Variants in EPN2 observed in about 807,000 individuals in gnomAD.
EPN2 encodes the protein epsin-2.
A neutral mutation model predicts 61.7 loss-of-function variants in EPN2; 34 were observed. The ratio of observed to expected loss-of-function variants is 0.55; its 90% CI spans 0.42 to 0.73. EPN2 has a LOEUF of 0.73. EPN2 is among the 30% of genes least tolerant of loss of function. The pLI is 0.00. For missense variants in EPN2, 714 were observed against 839.2 expected, an observed-to-expected ratio of 0.85 and a Z score of 1.84; for synonymous variants, 349 against 353.6, an observed-to-expected ratio of 0.99 and a Z score of 0.15.
intron 1 of EPN2, among the ~76,000 whole-genome samples, chr17:19,266,626 T>A (rs893701654): frequency 1.3e-5 from 2 of 151,614 alleles, no homozygotes; most frequent in Admixed American, 1.3e-4. Context: ...ATGGTTTCGA[T>A]CTCCTCACCT....
chr17:19,249,960 ACT>A (rs1232317307), intron 1 of EPN2, among the ~76,000 whole-genome samples: 7 of 149,510 alleles, frequency 4.7e-5, no homozygotes, highest in Non-Finnish European at 1.5e-5. Flanking sequence ...GCGGTTTTCC[ACT>A]CTTTCCCACG....
chr17:19,265,360 A>G (rs1597980334), intron 1 of EPN2, among the ~76,000 whole-genome samples: 2 of 145,098 alleles, frequency 1.4e-5, no homozygotes, highest in African/African-American at 5.4e-5. Context: ...CTTGGGTGAC[A>G]GTGAGACCCT....
intron 7 of EPN2, among the ~76,000 whole-genome samples, chr17:19,315,258 C>T (rs1906331549): frequency 6.6e-6 from 1 of 152,188 alleles, no homozygotes; most frequent in Non-Finnish European, 1.5e-5. Flanking sequence ...TGGGCCGAGC[C>T]AAGGACCTGA....
intron 7 of EPN2, among the ~76,000 whole-genome samples, chr17:19,320,871 C>T (rs1189922141): frequency 6.6e-6 from 1 of 152,166 alleles, no homozygotes; most frequent in Non-Finnish European, 1.5e-5. Flanking sequence ...AAGTCCCTGC[C>T]AGCCTGAGGT....
At chr17:19,320,975 G>A (rs1193147410) in intron 7 of EPN2, among the ~76,000 whole-genome samples, 1 of 152,178 alleles carries the variant, frequency 6.6e-6, no homozygotes, top group East Asian at 1.9e-4. Flanking sequence ...TCGGGGATGG[G>A]CAGCAAAGCA....
chr17:19,305,447 C>A (rs1905790494), intron 4 of EPN2, among the ~76,000 whole-genome samples: 1 of 152,152 alleles, frequency 6.6e-6, no homozygotes, highest in Non-Finnish European at 1.5e-5. Context: ...GTTTTTTGTA[C>A]TTGCCACTTT....
intron 8 of EPN2, 64 bp from the exon 9 acceptor site, chr17:19,329,497 G>A: frequency 3.1e-6 from 3 of 980,140 alleles, no homozygotes; most frequent in Non-Finnish European, 4.9e-6. Flanking sequence ...GTGTGCACTG[G>A]GCAGTGGAGT....
chr17:19,256,860 G>A (rs2045086010), intron 1 of EPN2, among the ~76,000 whole-genome samples: 1 of 152,192 alleles, frequency 6.6e-6, no homozygotes, highest in African/African-American at 2.4e-5. Flanking sequence ...TGTATAATGT[G>A]ATTGCAGAGA....
intron 1 of EPN2, among the ~76,000 whole-genome samples, chr17:19,239,381 A>C (rs1306259659): frequency 6.6e-6 from 1 of 152,138 alleles, no homozygotes; most frequent in Non-Finnish European, 1.5e-5. Context: ...CGAACTCCTG[A>C]CCTCATGTGA....
At chr17:19,255,558 G>T (rs955647372) in intron 1 of EPN2, among the ~76,000 whole-genome samples, 5 of 130,888 alleles carry the variant, frequency 3.8e-5, no homozygotes, top group Non-Finnish European at 6.2e-5. Flanking sequence ...CCTCTGGGGA[G>T]AGTTTTTTTT....
At chr17:19,255,398 C>T (rs569386660) in intron 1 of EPN2, among the ~76,000 whole-genome samples, 1 of 151,856 alleles carries the variant, frequency 6.6e-6, no homozygotes, top group East Asian at 1.9e-4. Context: ...TCAACTCCTC[C>T]ACCCCCTATT....
At position 19,335,563 on chromosome 17, in the gene EPN2, G is replaced by A; in HGVS notation, c.*1309G>A. ...GCAGTTGTCCCGAGGGCGTGGGGTGGGGGGTGCTTCTGTGCCCACGGGTCC... is the reference window on the plus strand; with the variant it reads ...GCAGTTGTCCCGAGGGCGTGGGGTGAGGGGTGCTTCTGTGCCCACGGGTCC... On this transcript the variant is annotated 3_prime_UTR_variant, in exon 11 of 11. Transcript: ENST00000314728. 7.4e-7 allele frequency: 1 copy of A among 1,348,684 alleles called. No individual in the cohort carries two copies. Among genetic ancestry groups the A allele is most frequent in the African/African-American group, 1.5e-5 (1 of 68,846 alleles). 83.5% of individuals were successfully genotyped at this position (1,348,684 alleles called of 1,614,324 possible). A position where few individuals can be genotyped will look rare whatever the true frequency, so the allele number is the denominator to read the frequency against.
chr17:19,332,136 TGGG>T, intron 10 of EPN2, 68 bp downstream of exon 10: 1 of 1,211,082 alleles, frequency 8.3e-7, no homozygotes, highest in Admixed American at 1.8e-5. Context: ...GCAGGCCTCT[TGGG>T]GGCTCTTCCC....
intron 4 of EPN2, among the ~76,000 whole-genome samples, chr17:19,288,453 G>C (rs148131844): frequency 1.3e-5 from 2 of 152,332 alleles, no homozygotes; most frequent in East Asian, 3.9e-4. Context: ...TCTTTGGGGA[G>C]GTAAGAGAGG....
chr17:19,333,899 A>T (rs1236927238), intron 10 of EPN2, 57 bp from the exon 11 acceptor site: 9 of 1,442,790 alleles, frequency 6.2e-6, no homozygotes, highest in Non-Finnish European at 8.3e-6. Context: ...CTGACCTGGG[A>T]GCTCAGAAAG....
At chr17:19,298,778 G>A (rs1018429462) in intron 4 of EPN2, among the ~76,000 whole-genome samples, 2 of 152,204 alleles carry the variant, frequency 1.3e-5, no homozygotes, top group African/African-American at 2.4e-5. Context: ...GGGTTATTGT[G>A]TACGTTACAT....
At position 19,285,797 on chromosome 17, in the gene EPN2, C is replaced by T. The variant is rs747055315; in HGVS notation, c.766+7C>T. On this transcript the variant is annotated splice_region_variant and intron_variant, in intron 4 of 10. Transcript: ENST00000314728. This position sits in a 1 kb window ranked among gnomAD's most constrained non-coding sequence, Gnocchi z 4.5. Reference sequence around the variant, plus strand: ...TGTGACCGCGCAGCCCGAGGTGGGACGGCGGTTTGCTTTTTTCCTTACTAG... The same window carrying T: ...TGTGACCGCGCAGCCCGAGGTGGGATGGCGGTTTGCTTTTTTCCTTACTAG... 22 of 1,571,036 alleles carry T rather than the reference C, an allele frequency of 1.4e-5. No homozygotes were observed. Among genetic ancestry groups the T allele is most frequent in the Admixed American group, 7.2e-5 (4 of 55,418 alleles).
At chr17:19,308,924 A>G (rs186538575) in intron 4 of EPN2, among the ~76,000 whole-genome samples, 1 of 152,324 alleles carries the variant, frequency 6.6e-6, no homozygotes, top group African/African-American at 2.4e-5. Context: ...AGGAGTTCAC[A>G]TCTCATTCAT....
At position 19,334,121 on chromosome 17, in the gene EPN2, C is replaced by T. The variant is rs1459703584; in HGVS notation, c.1793C>T (p.Pro598Leu). The T allele has an allele frequency of 6.2e-7, 1 of 1,607,342 alleles. No individual in the cohort carries two copies. The highest frequency in any genetic ancestry group is 1.7e-5 in the Admixed American group (1 of 59,320). Reference protein sequence around the residue: ...MAVASMTSAAPQPALGATGSS... With the variant: ...MAVASMTSAALQPALGATGSS... ...GTGGCCTCGATGACCTCCGCGGCCC[C>T]ACAGCCAGCTCTGGGGGCCACTGGT... The change falls in exon 11 of 11, where the codon CCA becomes CTA. Residue 598 changes from proline (P) to leucine (L), a missense_variant. By Grantham distance (98) the Pro-to-Leu change is moderately conservative. Transcript: ENST00000314728. The surrounding 1 kb of genome is among the most constrained non-coding windows in gnomAD (Gnocchi z 4.9).
Sources: gnomAD v4.1 joint callset for allele counts (sites outside exome capture counted in the v4.1 genomes callset) on GRCh38, gnomAD v4.1.1 for gene constraint, Gnocchi (gnomAD v3.1) non-coding constraint, MANE v1.5 for transcripts, NCBI Gene and HGNC (gene_info 2026-07-23, HGNC 2026-07-21) for gene names.